The following NBEA variants were observed in gnomAD, a reference collection of about 807,000 sequenced individuals.
NBEA encodes lysosomal-trafficking regulator 2.
NBEA carries 44 observed loss-of-function variants against 343.4 expected under a neutral mutation model. The observed-to-expected ratio is 0.13, with a 90% CI of 0.10 to 0.16. NBEA has a LOEUF of 0.16. Ranked by LOEUF, NBEA falls within the 10% of genes least tolerant of loss-of-function variation. The pLI, the probability that NBEA is intolerant of heterozygous loss-of-function variation, is 1.00. For synonymous variants in NBEA, 1,175 were observed against 1,238.7 expected (o/e 0.95, Z 1.08); for missense variants, 2,555 against 3,631.3 (o/e 0.70, Z 7.62).
chr13:35,554,967 A>G lies in NBEA; in HGVS notation c.6807-20A>G. ...ATGAATTAAAGAGACTATGTTTGTT[A>G]TGCTGTGCTTAATTGCTAGGAGGAT... On this transcript the variant is annotated intron_variant, in intron 43 of 58. Transcript: ENST00000379939. The G allele has an allele frequency of 3.0e-6, 4 of 1,319,224 alleles. No individual in the cohort carries two copies. Among genetic ancestry groups the G allele is most frequent in the Non-Finnish European group, 4.3e-6 (4 of 925,124 alleles). The allele number at this position is 1,319,224 out of a possible 1,614,324, so 81.7% of individuals were successfully genotyped here.
intron 38 of NBEA, among the ~76,000 whole-genome samples, chr13:35,412,325 C>G (rs1051505493): frequency 1.3e-5 from 2 of 152,132 alleles, no homozygotes; most frequent in Non-Finnish European, 2.9e-5. Flanking sequence ...TGGTGGAGAA[C>G]AGTGCCAGTA....
At chr13:35,370,190 A>G (rs1490226822) in intron 38 of NBEA, among the ~76,000 whole-genome samples, 4 of 151,928 alleles carry the variant, frequency 2.6e-5, no homozygotes, top group Non-Finnish European at 5.9e-5. Context: ...TAATTTAATA[A>G]TAGTTGCTTT....
intron 34 of NBEA, among the ~76,000 whole-genome samples, chr13:35,263,002 C>T (rs535843344): frequency 6.6e-6 from 1 of 152,098 alleles, no homozygotes; most frequent in African/African-American, 2.4e-5. Context: ...CTTAAGGAAC[C>T]CTGAATAACC....
chr13:35,046,057 C>T (rs948963538), intron 4 of NBEA, among the ~76,000 whole-genome samples: 10 of 152,074 alleles, frequency 6.6e-5, no homozygotes, highest in Non-Finnish European at 4.4e-5. Context: ...GCTTCTTTCA[C>T]TTCCCGTGAT....
chr13:35,292,490 G>A lies in NBEA; in HGVS notation c.5838+2040G>A, dbSNP rs1029036885. Among the ~76,000 whole-genome samples, 3 of 152,076 alleles carry A rather than the reference G, an allele frequency of 2.0e-5. No individual in the cohort carries two copies. In the South Asian group the frequency reaches 6.2e-4, roughly 31 times the overall value. ...GCCTTTAATGCATCTCTTGTAGAAT[G>A]AAGCACAGTCCCTGTAGAATTAGTA... On this transcript the variant is annotated intron_variant, in intron 35 of 58. Coordinates refer to ENST00000379939, the MANE Select transcript of NBEA (RefSeq NM_001385012.1).
At chr13:35,071,956 G>A (rs555757532) in intron 10 of NBEA, among the ~76,000 whole-genome samples, 67 of 152,096 alleles carry the variant, frequency 4.4e-4, no homozygotes, top group Non-Finnish European at 7.2e-4. Context: ...AAAGGTTGGA[G>A]TTTTGAAAGT....
chr13:34,942,988 C>T lies in NBEA; in HGVS notation c.168C>T (p.Leu56=), dbSNP rs183153359. 1,561 of 1,609,526 alleles carry T rather than the reference C, an allele frequency of 9.7e-4. 2 individuals carry two copies. Among genetic ancestry groups the T allele is most frequent in the Non-Finnish European group, 1.3e-3 (1,490 of 1,178,068 alleles). The change falls in exon 1 of 59, where the codon CTC becomes CTT. Residue 56 remains leucine (L), a synonymous_variant. Coordinates refer to ENST00000379939, the MANE Select transcript of NBEA (RefSeq NM_001385012.1). ...RGASGSGSVM[L]PAGMINPSVP... is the part of the protein sequence containing the mutation. ...CGTCCGGCTCCGGCTCGGTGATGCT[C>T]CCCGCGGGGATGATTAACCCTTCGG... is the stretch of plus-strand genomic sequence containing the variant.
At position 35,566,890 on chromosome 13, in the gene NBEA, GT is replaced by G; in HGVS notation, c.6923-10del. On this transcript the variant is annotated splice_polypyrimidine_tract_variant and intron_variant, in intron 44 of 58. Coordinates refer to ENST00000379939, the MANE Select transcript of NBEA (RefSeq NM_001385012.1). ...TTTGTGTGTACAAATTTTTATTTCTGTTTTTCTTTACTAGGACGGACATATA... is the reference window on the plus strand; with the variant it reads ...TTTGTGTGTACAAATTTTTATTTCTGTTTTCTTTACTAGGACGGACATATA... 1 of 1,460,698 alleles carries G rather than the reference GT, an allele frequency of 6.8e-7. No homozygotes were observed. Among genetic ancestry groups the G allele is most frequent in the Non-Finnish European group, 9.4e-7 (1 of 1,059,544 alleles). The allele number at this position is 1,460,698 out of a possible 1,614,324, so 90.5% of individuals were successfully genotyped here.
chr13:35,201,355 T>C (rs193072958), intron 31 of NBEA, among the ~76,000 whole-genome samples: 29 of 152,226 alleles, frequency 1.9e-4, no homozygotes, highest in Non-Finnish European at 1.6e-4. Flanking sequence ...AAACATATTT[T>C]TTTATATTGC....
intron 1 of NBEA, among the ~76,000 whole-genome samples, chr13:35,026,799 A>G (rs2062034021): frequency 6.6e-6 from 1 of 152,110 alleles, no homozygotes; most frequent in Admixed American, 6.6e-5. Flanking sequence ...TAAACTCAGT[A>G]TATCTGCTAC....
chr13:35,611,010 T>C (rs969568937), intron 48 of NBEA, among the ~76,000 whole-genome samples: 1 of 150,840 alleles, frequency 6.6e-6, no homozygotes, highest in African/African-American at 2.4e-5. Context: ...TAAGCTACCA[T>C]TACACATTAG....
chr13:35,277,978 T>C (rs983092631), intron 34 of NBEA, among the ~76,000 whole-genome samples: 1 of 151,416 alleles, frequency 6.6e-6, no homozygotes, highest in Non-Finnish European at 1.5e-5. Flanking sequence ...TCTGAGCTAC[T>C]TGGGAGGCTG....
chr13:35,287,634 A>G (rs1052885473), intron 34 of NBEA, among the ~76,000 whole-genome samples: 8 of 152,018 alleles, frequency 5.3e-5, no homozygotes, highest in East Asian at 3.9e-4. Context: ...TCTGACCACA[A>G]TAAGCTACTT....
At chr13:35,658,294 GTCA>G (rs71664663) in intron 55 of NBEA, among the ~76,000 whole-genome samples, 56,536 of 151,798 alleles carry the variant, frequency 0.37, 11,027 homozygotes, top group Middle Eastern at 0.54. Context: ...AAAAGCTGTT[GTCA>G]TCATTATGAA....
intron 38 of NBEA, among the ~76,000 whole-genome samples, chr13:35,381,911 A>G (rs188761469): frequency 6.6e-6 from 1 of 152,208 alleles, no homozygotes; most frequent in Non-Finnish European, 1.5e-5. Flanking sequence ...TTTATTGTCC[A>G]TTTTTAATTA....
In NBEA at chr13:35,456,648, T is replaced by G. The variant is rs898283691; in HGVS notation, c.6448+4413T>G. The stretch of plus-strand genomic sequence containing the variant: ...ACTATTGAGTAACTGAAATTCAAGA[T>G]TAACTCAAATTTATATAAATTGGTA... On this transcript the variant is annotated intron_variant, in intron 40 of 58. Coordinates refer to ENST00000379939, the MANE Select transcript of NBEA (RefSeq NM_001385012.1). 4.6e-5 allele frequency among the ~76,000 whole-genome samples: 7 copies of G among 152,110 alleles called. No homozygotes were observed. The South Asian group carries it at 1.4e-3, about 32-fold the overall frequency.
chr13:34,944,968 G>A (rs1395565396), intron 1 of NBEA, among the ~76,000 whole-genome samples: 2 of 151,946 alleles, frequency 1.3e-5, no homozygotes, highest in South Asian at 2.1e-4. Flanking sequence ...TTAGATATAC[G>A]GTAGACTAAG....
intron 17 of NBEA, among the ~76,000 whole-genome samples, chr13:35,137,627 T>C (rs2067815930): frequency 2.0e-5 from 3 of 152,138 alleles, no homozygotes; most frequent in African/African-American, 4.8e-5. Context: ...TATTCCCTCT[T>C]TCTTCCCTTC....
intron 27 of NBEA, among the ~76,000 whole-genome samples, chr13:35,176,291 G>A (rs1293063025): frequency 6.6e-6 from 1 of 152,036 alleles, no homozygotes; most frequent in Non-Finnish European, 1.5e-5. Flanking sequence ...GTAACAACAA[G>A]TGCATACCTA....
Sources: gnomAD v4.1 joint callset for allele counts (sites outside exome capture counted in the v4.1 genomes callset) on GRCh38, gnomAD v4.1.1 for gene constraint, MANE v1.5 for transcripts, NCBI Gene and HGNC (gene_info 2026-07-23, HGNC 2026-07-21) for gene names.